The following XDH variants were observed in gnomAD, a reference collection of about 807,000 sequenced individuals.
XDH encodes the protein xanthine dehydrogenase.
XDH carries 138 observed loss-of-function variants against 156.1 expected under a neutral mutation model. That is an observed-to-expected ratio of 0.88 (90% CI 0.77 to 1.02). The LOEUF (loss-of-function observed/expected upper bound fraction) is 1.02. Among genes scored for constraint, XDH ranks in the 50% least tolerant of loss-of-function variants. The pLI, the probability that XDH is intolerant of heterozygous loss-of-function variation, is 0.00. For missense variants in XDH, 1,849 were observed against 1,684.9 expected, an observed-to-expected ratio of 1.10 and a Z score of -1.71; for synonymous variants, 669 against 625.7, an observed-to-expected ratio of 1.07 and a Z score of -1.03.
chr2:31,392,978 T>G (rs1686807968), intron 6 of XDH, among the ~76,000 whole-genome samples: 2 of 152,258 alleles, frequency 1.3e-5, no homozygotes, highest in Non-Finnish European at 1.5e-5. Context: ...AATTTCATTT[T>G]GGTTTGAAAG....
At chr2:31,388,077 G>A (rs1264600708) in intron 7 of XDH, 150 bp downstream of exon 7, 7 of 1,059,536 alleles carry the variant, frequency 6.6e-6, no homozygotes, top group African/African-American at 3.1e-5. Context: ...CGGGGCTAAC[G>A]TGCACCATCA....
chr2:31,402,951 G>T, intron 3 of XDH, 97 bp downstream of exon 3: 1 of 1,318,120 alleles, frequency 7.6e-7, no homozygotes, highest in Non-Finnish European at 1.1e-6. Context: ...TCACACATGC[G>T]CACATGCACA....
At position 31,367,974 on chromosome 2, in the gene XDH, A is replaced by G; in HGVS notation, c.2184T>C (p.Asp728=). The G allele has an allele frequency of 6.2e-7, 1 of 1,614,166 alleles. No individual in the cohort carries two copies. Among genetic ancestry groups the G allele is most frequent in the Non-Finnish European group, 8.5e-7 (1 of 1,179,998 alleles). Residue 728 remains aspartate, a synonymous_variant, in exon 20 of 36, where the codon GAT becomes GAC. Transcript: ENST00000379416. ...GAACAGCTCTACCTGACACAACATT[A>G]TCTGCTTCGGAAAACCCCTTCTTTA... is the stretch of plus-strand genomic sequence containing the variant. ...GDLKKGFSEA[D]NVVSGEIYIG...
chr2:31,371,146 C>T (rs751315387), intron 17 of XDH, among the ~76,000 whole-genome samples: 9 of 152,158 alleles, frequency 5.9e-5, no homozygotes, highest in Admixed American at 3.3e-4. Context: ...GGAGAATGCC[C>T]GACTATATGA....
intron 24 of XDH, among the ~76,000 whole-genome samples, chr2:31,358,153 A>G (rs1417493787): frequency 1.1e-4 from 16 of 152,162 alleles, no homozygotes; most frequent in Admixed American, 1.0e-3. Flanking sequence ...TCTCAGCACC[A>G]CATCACACTT....
intron 6 of XDH, among the ~76,000 whole-genome samples, chr2:31,394,475 G>C (rs1017593492): frequency 6.6e-6 from 1 of 151,996 alleles, no homozygotes. Context: ...TTTGAAGTTT[G>C]AATATCACAT....
In XDH at chr2:31,364,240, C is replaced by T. The variant is rs1246110460; in HGVS notation, c.2549G>A (p.Gly850Asp). The T allele has an allele frequency of 1.2e-6, 2 of 1,614,164 alleles. No homozygotes were observed. Among genetic ancestry groups the T allele is most frequent in the Non-Finnish European group, 1.7e-6 (2 of 1,180,030 alleles). Residue 850 changes from glycine (G) to aspartate (D), a missense_variant, in exon 24 of 36, where the codon GGC becomes GAC. By Grantham distance (94) the Gly-to-Asp change is moderately conservative. Transcript: ENST00000379416. ...RHPFLARYKV[G>D]FMKTGTVVAL... ...CACAACTGTCCCAGTCTTCATGAAGCCAACCTGATAAAAGGAGAAAGGAGA... is the reference window on the plus strand; with the variant it reads ...CACAACTGTCCCAGTCTTCATGAAGTCAACCTGATAAAAGGAGAAAGGAGA...
intron 24 of XDH, among the ~76,000 whole-genome samples, chr2:31,357,825 T>C (rs1325822897): frequency 1.3e-5 from 2 of 152,114 alleles, no homozygotes; most frequent in Non-Finnish European, 2.9e-5. Context: ...ATATGTATCC[T>C]ATAAATATAT....
At chr2:31,380,093 A>ATTTGCTCTGACTGTG in intron 12 of XDH, 117 bp from the exon 13 acceptor site, 1 of 979,092 alleles carries the variant, frequency 1.0e-6, no homozygotes, top group Non-Finnish European at 1.6e-6. Flanking sequence ...GCCCACAGTC[A>ATTTGCTCTGACTGTG]GAGCAAATGA....
intron 8 of XDH, among the ~76,000 whole-genome samples, chr2:31,387,292 C>T (rs914857276): frequency 2.0e-5 from 3 of 152,110 alleles, no homozygotes; most frequent in African/African-American, 7.2e-5. Flanking sequence ...TCTTTCGTTG[C>T]CATAAATATT....
At chr2:31,380,013 G>A in intron 12 of XDH, 37 bp from the exon 13 acceptor site, 1 of 1,596,328 alleles carries the variant, frequency 6.3e-7, no homozygotes, top group East Asian at 2.2e-5. Context: ...CCAAAGTGAG[G>A]GAAAGGCTGG....
intron 1 of XDH, among the ~76,000 whole-genome samples, chr2:31,414,415 C>A (rs1390776573): frequency 6.6e-6 from 1 of 151,802 alleles, no homozygotes; most frequent in Non-Finnish European, 1.5e-5. Context: ...CATTCTTTGG[C>A]CTCTGAGTAT....
rs1294118517 is a variant in XDH at position 31,398,626 on chromosome 2, A to G, written c.380T>C (p.Leu127Pro). The change falls in exon 5 of 36, where the codon CTG becomes CCG. Residue 127 changes from leucine (L) to proline (P), a missense_variant. Transcript: ENST00000379416. ...TPGIVMSMYT[L>P]LRNQPEPTME... is the part of the protein sequence containing the mutation. Reference sequence around the variant, plus strand: ...GGTGGGCTCGGGCTGATTCCGGAGCAGTGTGTACATACTCATGACGATGCC... The same window carrying G: ...GGTGGGCTCGGGCTGATTCCGGAGCGGTGTGTACATACTCATGACGATGCC... The G allele has an allele frequency of 6.2e-7, 1 of 1,614,134 alleles. No individual in the cohort carries two copies. Among genetic ancestry groups the G allele is most frequent in the South Asian group, 1.1e-5 (1 of 91,082 alleles).
At chr2:31,360,269 G>A (rs1387507430) in intron 24 of XDH, among the ~76,000 whole-genome samples, 36 of 152,178 alleles carry the variant, frequency 2.4e-4, no homozygotes, top group African/African-American at 8.0e-4. Context: ...AGGATGAGGC[G>A]GGTGGATCAC....
At chr2:31,348,065 G>A (rs1272326106) in intron 28 of XDH, among the ~76,000 whole-genome samples, 1 of 152,224 alleles carries the variant, frequency 6.6e-6, no homozygotes, top group Non-Finnish European at 1.5e-5. Context: ...AATGTCCTCA[G>A]AGGTCACCTG....
chr2:31,376,887 A>G (rs1686260645), intron 14 of XDH, among the ~76,000 whole-genome samples, 166 bp downstream of exon 14: 1 of 150,804 alleles, frequency 6.6e-6, no homozygotes, highest in Admixed American at 6.7e-5. Context: ...AACTGTGGTT[A>G]TAGTAGAAGT....
chr2:31,394,743 T>G lies in XDH; in HGVS notation c.495+2925A>C, dbSNP rs1026038114. On this transcript the variant is annotated intron_variant, in intron 6 of 35. Coordinates refer to ENST00000379416, the MANE Select transcript of XDH (RefSeq NM_000379.4). ...GTTTGTTTTCATTCACTTCCTTTTC[T>G]CTGTTTTTTGGTTTTGAAAGTTTGC... is the stretch of plus-strand genomic sequence containing the variant. Among the ~76,000 whole-genome samples the G allele has an allele frequency of 3.2e-4, 49 of 152,166 alleles. 2 individuals carry two copies. Among genetic ancestry groups the G allele is most frequent in the Admixed American group, 3.2e-3 (49 of 15,274 alleles).
chr2:31,383,732 G>A (rs1245861976), intron 10 of XDH, 23 bp downstream of exon 10: 2 of 1,609,498 alleles, frequency 1.2e-6, no homozygotes, highest in Non-Finnish European at 1.7e-6. Flanking sequence ...CCCTCCATAA[G>A]CTTGGAGTGA....
Position 31,338,293 on chromosome 2 carries a change from G to T in XDH, c.3775-476C>A, listed in dbSNP as rs45626033. Among the ~76,000 whole-genome samples the T allele has an allele frequency of 1.0e-3, 152 of 152,268 alleles. 3 individuals are homozygous for T. In the East Asian group the frequency reaches 0.027, roughly 27 times the overall value. On this transcript the variant is annotated intron_variant, in intron 34 of 35. Coordinates refer to ENST00000379416, the MANE Select transcript of XDH (RefSeq NM_000379.4). ...CAAACAGGAATTAAAACATTTTCTA[G>T]CATAGGTTGGTTTTTCTCCCCCTCA...
Sources: allele counts gnomAD v4.1 joint callset (sites outside exome capture counted in the v4.1 genomes callset), GRCh38; gene constraint gnomAD v4.1.1; transcripts MANE v1.5; gene names NCBI Gene and HGNC (gene_info 2026-07-23, HGNC 2026-07-21).